Variants in KNL1 observed in about 807,000 individuals in gnomAD.
KNL1 encodes the protein kinetochore scaffold 1.
A neutral mutation model predicts 201.3 loss-of-function variants in KNL1; 66 were observed. The ratio of observed to expected loss-of-function variants is 0.33; its 90% CI spans 0.27 to 0.40. The LOEUF (loss-of-function observed/expected upper bound fraction) is 0.40. KNL1 is among the 10% of genes least tolerant of loss of function. The probability of loss-of-function intolerance (pLI) is 1.00; values close to 1 mark genes in which losing one functional copy is unlikely to be tolerated. For missense variants in KNL1, 2,815 were observed against 2,690.5 expected, an observed-to-expected ratio of 1.05 and a Z score of -1.02; for synonymous variants, 895 against 899.2, an observed-to-expected ratio of 1.00 and a Z score of 0.08.
chr15:40,613,888 C>T (rs1296293034), intron 7 of KNL1, among the ~76,000 whole-genome samples: 1 of 152,074 alleles, frequency 6.6e-6, no homozygotes, highest in Non-Finnish European at 1.5e-5. Flanking sequence ...AGCTCCGCCT[C>T]CTGGTTTCAC....
intron 5 of KNL1, among the ~76,000 whole-genome samples, chr15:40,609,733 T>C (rs969409805): frequency 3.9e-5 from 6 of 152,182 alleles, no homozygotes; most frequent in African/African-American, 1.2e-4. Context: ...TAAATACTTG[T>C]TGAATTAAAT....
At chr15:40,601,834 A>C (rs1175704556) in intron 1 of KNL1, among the ~76,000 whole-genome samples, 2 of 148,700 alleles carry the variant, frequency 1.3e-5, no homozygotes, top group African/African-American at 4.9e-5. Context: ...TCTCAAAAAA[A>C]AAAAAAAATT....
rs1057305528 is a variant in KNL1 at position 40,628,213 on chromosome 15, G to A, written c.5515+5G>A. On this transcript the variant is annotated splice_donor_5th_base_variant and intron_variant, in intron 11 of 25. Transcript: ENST00000399668. The stretch of plus-strand genomic sequence containing the variant: ...GGACCTCTCTGGACTTCAGCAGTAA[G>A]AGCTTCATGAAGGCTAAATAATAGC... 6.9e-6 allele frequency: 11 copies of A among 1,584,448 alleles called. No homozygotes were observed. Among genetic ancestry groups the A allele is most frequent in the Non-Finnish European group, 9.4e-6 (11 of 1,171,236 alleles).
intron 2 of KNL1, among the ~76,000 whole-genome samples, chr15:40,604,116 T>TATCATCATCATCATCATCATC (rs71104704): frequency 2.7e-5 from 4 of 149,434 alleles, no homozygotes; most frequent in Non-Finnish European, 5.9e-5. Context: ...CTGTCTCACA[T>TATCATCATCATCATCATCATC]ATCATCATCA....
intron 7 of KNL1, among the ~76,000 whole-genome samples, chr15:40,615,007 C>T (rs1027681412): frequency 6.6e-6 from 1 of 152,184 alleles, no homozygotes; most frequent in African/African-American, 2.4e-5. Context: ...AAGTGATCCT[C>T]CCACTTCACG....
At chr15:40,644,647 G>A (rs978210581) in intron 14 of KNL1, among the ~76,000 whole-genome samples, 2 of 152,110 alleles carry the variant, frequency 1.3e-5, no homozygotes, top group East Asian at 1.9e-4. Context: ...GCGGCTTTCC[G>A]CAGTGCATTG....
chr15:40,661,996 G>T, intron 25 of KNL1, 78 bp from the exon 26 acceptor site: 13 of 758,594 alleles, frequency 1.7e-5, no homozygotes, highest in Non-Finnish European at 3.0e-5. Flanking sequence ...AGCGGATTGC[G>T]CCACTGCACT....
intron 19 of KNL1, 25 bp from the exon 20 acceptor site, chr15:40,651,446 T>C (rs1307066381): frequency 1.6e-5 from 24 of 1,526,274 alleles, no homozygotes; most frequent in Non-Finnish European, 2.1e-5. Flanking sequence ...ACCTTATCTC[T>C]CTGAATACCT....
At chr15:40,644,867 A>C (rs1229341014) in intron 14 of KNL1, 130 bp from the exon 15 acceptor site, 3 of 544,248 alleles carry the variant, frequency 5.5e-6, no homozygotes, top group Non-Finnish European at 9.8e-6. Flanking sequence ...ACATCTCAGC[A>C]AAACAGTTGT....
intron 10 of KNL1, among the ~76,000 whole-genome samples, chr15:40,627,370 C>A (rs1474545221): frequency 6.6e-6 from 1 of 151,960 alleles, no homozygotes; most frequent in Non-Finnish European, 1.5e-5. Context: ...AAAAATTAGC[C>A]AGGCATGGTG....
chr15:40,597,750 G>T (rs952620782), intron 1 of KNL1, among the ~76,000 whole-genome samples: 54 of 152,314 alleles, frequency 3.5e-4, no homozygotes, highest in Non-Finnish European at 6.3e-4. Context: ...TCAGTTAATT[G>T]CTAACTGATT....
In KNL1 at chr15:40,649,616, A is replaced by G. The variant is rs546935687; in HGVS notation, c.6095-685A>G. 4.0e-5 allele frequency among the ~76,000 whole-genome samples: 6 copies of G among 150,226 alleles called. No homozygotes were observed. In the East Asian group the frequency reaches 1.2e-3, roughly 30 times the overall value. On this transcript the variant is annotated intron_variant, in intron 17 of 25. Transcript: ENST00000399668. Reference sequence around the variant, plus strand: ...GCCTTTTTCTTTTATTTAAAAAAAAAAAAAGAGAGGCAGAGTCTCACTCTG... The same window carrying G: ...GCCTTTTTCTTTTATTTAAAAAAAAGAAAAGAGAGGCAGAGTCTCACTCTG...
intron 21 of KNL1, among the ~76,000 whole-genome samples, chr15:40,653,452 A>G (rs1893631171): frequency 6.6e-6 from 1 of 152,196 alleles, no homozygotes; most frequent in Non-Finnish European, 1.5e-5. Flanking sequence ...TTGGCCTCCC[A>G]AAGTGCTGGA....
At chr15:40,615,405 A>G (rs757987877) in intron 8 of KNL1, 27 bp downstream of exon 8, 1 of 620,424 alleles carries the variant, frequency 1.6e-6, no homozygotes, top group South Asian at 1.8e-5. Context: ...TACTTTTCTT[A>G]TAGTAAGATA....
At position 40,652,097 on chromosome 15, in the gene KNL1, A is replaced by G. The variant is rs749764953; in HGVS notation, c.6407A>G (p.Glu2136Gly). The G allele has an allele frequency of 2.5e-6, 4 of 1,609,880 alleles. No individual in the cohort carries two copies. Among genetic ancestry groups the G allele is most frequent in the African/African-American group, 1.3e-5 (1 of 74,856 alleles). Residue 2136 changes from glutamate to glycine, a missense_variant, in exon 21 of 26, where the codon GAG becomes GGG. Glu to Gly is a moderately conservative substitution (Grantham distance 98). Around this residue, in one of 3 missense-constraint regions of KNL1, gnomAD observed 334 missense variants for 362.6 expected, o/e 0.92. Transcript: ENST00000399668. ...ATACAACTCACCATCACCTTTGAAG[A>G]GTCAGTTGGTAAGGAGCCAAAGTGA... The part of the protein sequence containing the change: ...DTIQLTITFE[E>G]SVVGFPFLDK...
At chr15:40,651,664 T>C (rs904528261) in intron 20 of KNL1, 92 bp downstream of exon 20, 1 of 868,070 alleles carries the variant, frequency 1.2e-6, no homozygotes, top group African/African-American at 1.7e-5. Context: ...TTTTAATGTG[T>C]TGCTGTTTTT....
Position 40,628,537 on chromosome 15 carries a change from T to C in KNL1, c.5516-74T>C, listed in dbSNP as rs1353899612. 5.7e-6 allele frequency: 6 copies of C among 1,049,428 alleles called. No individual in the cohort carries two copies. In the African/African-American group the frequency reaches 6.4e-5, roughly 11 times the overall value. The allele number at this position is 1,049,428 out of a possible 1,614,324, so 65.0% of individuals were successfully genotyped here. On this transcript the variant is annotated intron_variant, in intron 11 of 25. Transcript: ENST00000399668. The stretch of plus-strand genomic sequence containing the variant: ...TGGGTAGCTTCAGGATCAGAAACAA[T>C]CTGAATGATAACCACAATTAAGTTC...
intron 24 of KNL1, among the ~76,000 whole-genome samples, chr15:40,657,755 C>T (rs1893776404): frequency 1.3e-5 from 2 of 152,154 alleles, no homozygotes; most frequent in Non-Finnish European, 2.9e-5. Context: ...TTTATAAGGA[C>T]ACTAGTCATA....
intron 13 of KNL1, among the ~76,000 whole-genome samples, chr15:40,633,311 A>AG (rs1892968358): frequency 4.3e-4 from 4 of 9,384 alleles, no homozygotes; most frequent in African/African-American, 1.7e-3. Context: ...ACTCTGTCTC[A>AG]AAAAAAAAAA....
Sources: allele counts gnomAD v4.1 joint callset (sites outside exome capture counted in the v4.1 genomes callset), GRCh38; gene constraint gnomAD v4.1.1; regional missense constraint gnomAD v4.1.1; transcripts MANE v1.5; gene names NCBI Gene and HGNC (gene_info 2026-07-23, HGNC 2026-07-21).